The following TMEFF2 variants were observed in gnomAD, a reference collection of about 807,000 sequenced individuals.
TMEFF2 encodes the protein tomoregulin-2.
Under a neutral mutation model 53.8 loss-of-function variants are expected in TMEFF2, and 28 were observed. The ratio of observed to expected loss-of-function variants is 0.52; its 90% CI spans 0.39 to 0.71. The LOEUF (loss-of-function observed/expected upper bound fraction) is 0.71. TMEFF2 is among the 30% of genes least tolerant of loss of function. The pLI, the probability that TMEFF2 is intolerant of heterozygous loss-of-function variation, is 0.00. For missense variants in TMEFF2, 353 were observed against 455.2 expected (o/e 0.78, Z 2.04); for synonymous variants, 162 against 166.3 (o/e 0.97, Z 0.20).
intron 4 of TMEFF2, among the ~76,000 whole-genome samples, chr2:192,062,893 A>G (rs1176038373): frequency 6.6e-6 from 1 of 151,658 alleles, no homozygotes; most frequent in Non-Finnish European, 1.5e-5. Flanking sequence ...CTATTTTATG[A>G]GAGTTTGTGT....
At chr2:192,014,687 C>G (rs60208291) in intron 5 of TMEFF2, among the ~76,000 whole-genome samples, 1 of 152,118 alleles carries the variant, frequency 6.6e-6, no homozygotes, top group Non-Finnish European at 1.5e-5. Context: ...ATCTGACTTC[C>G]GATTATACTT....
intron 4 of TMEFF2, among the ~76,000 whole-genome samples, chr2:192,113,736 T>C (rs1176678545): frequency 6.6e-6 from 1 of 152,204 alleles, no homozygotes; most frequent in Non-Finnish European, 1.5e-5. Context: ...GTGAGTTTAA[T>C]ACTGGCAGTT....
intron 7 of TMEFF2, among the ~76,000 whole-genome samples, chr2:191,966,939 T>C (rs1249821905): frequency 2.0e-5 from 3 of 151,922 alleles, no homozygotes; most frequent in African/African-American, 7.3e-5. Context: ...TACTCTTCAA[T>C]AGGCTTTCTT....
chr2:192,140,814 G>A (rs1183873562), intron 4 of TMEFF2, among the ~76,000 whole-genome samples: 1 of 152,180 alleles, frequency 6.6e-6, no homozygotes, highest in African/African-American at 2.4e-5. Flanking sequence ...ATGTCATGAA[G>A]TCATGAGCTT....
chr2:192,120,052 T>C (rs1458693217), intron 4 of TMEFF2, among the ~76,000 whole-genome samples: 1 of 152,182 alleles, frequency 6.6e-6, no homozygotes, highest in East Asian at 1.9e-4. Context: ...TCAATTAAGA[T>C]GGTCCCTAAG....
chr2:192,099,826 A>T (rs573013191), intron 4 of TMEFF2, among the ~76,000 whole-genome samples: 2 of 151,556 alleles, frequency 1.3e-5, no homozygotes, highest in African/African-American at 4.9e-5. Context: ...ATTTTGGTTC[A>T]GTAGTGCTTC....
chr2:192,108,438 C>T (rs1307860792), intron 4 of TMEFF2, among the ~76,000 whole-genome samples: 1 of 151,802 alleles, frequency 6.6e-6, no homozygotes, highest in East Asian at 1.9e-4. Context: ...CACTAAAAGT[C>T]TTTTTCCAGG....
intron 5 of TMEFF2, among the ~76,000 whole-genome samples, chr2:192,051,306 T>C (rs1341162811): frequency 6.6e-6 from 1 of 151,718 alleles, no homozygotes; most frequent in Non-Finnish European, 1.5e-5. Context: ...GTTACACTTC[T>C]GGGGCCAGAA....
At chr2:192,061,420 C>T (rs1027212847) in intron 4 of TMEFF2, among the ~76,000 whole-genome samples, 6 of 152,042 alleles carry the variant, frequency 3.9e-5, no homozygotes, top group African/African-American at 1.4e-4. Context: ...GAGTATAACA[C>T]ATTTTTACAC....
At chr2:192,033,528 T>C (rs1351735944) in intron 5 of TMEFF2, among the ~76,000 whole-genome samples, 2 of 151,056 alleles carry the variant, frequency 1.3e-5, no homozygotes, top group African/African-American at 4.9e-5. Context: ...GGATTTTTTT[T>C]TTTTTTTTTT....
chr2:192,122,204 A>G (rs34410335), intron 4 of TMEFF2, among the ~76,000 whole-genome samples: 22,354 of 152,124 alleles, frequency 0.15, 2,380 homozygotes, highest in African/African-American at 0.28. Context: ...AATGGAAAAA[A>G]TATGGCCATA....
At chr2:192,092,765 G>A (rs528887011) in intron 4 of TMEFF2, among the ~76,000 whole-genome samples, 1 of 152,190 alleles carries the variant, frequency 6.6e-6, no homozygotes, top group East Asian at 1.9e-4. Context: ...GTGAAGAAAG[G>A]AGCAGAGAGG....
intron 7 of TMEFF2, among the ~76,000 whole-genome samples, chr2:191,994,304 G>A (rs1010101054): frequency 6.6e-6 from 1 of 151,586 alleles, no homozygotes; most frequent in Non-Finnish European, 1.5e-5. Flanking sequence ...TCTGAAAACT[G>A]GTGTAGGATG....
chr2:191,975,566 A>T (rs544197000), intron 7 of TMEFF2, among the ~76,000 whole-genome samples: 1 of 151,962 alleles, frequency 6.6e-6, no homozygotes, highest in South Asian at 2.1e-4. Context: ...CAATACCAGG[A>T]ATGGGCTAAT....
intron 5 of TMEFF2, among the ~76,000 whole-genome samples, chr2:192,000,220 G>T (rs1292170593): frequency 1.3e-5 from 2 of 151,836 alleles, no homozygotes; most frequent in Non-Finnish European, 2.9e-5. Context: ...TGTTGTTTTT[G>T]TAAATAGATT....
At chr2:192,138,264 G>T (rs546885521) in intron 4 of TMEFF2, among the ~76,000 whole-genome samples, 1 of 152,318 alleles carries the variant, frequency 6.6e-6, no homozygotes, top group African/African-American at 2.4e-5. Context: ...CAAGAATACT[G>T]CATGTATGGT....
chr2:192,112,945 C>T (rs902172920), intron 4 of TMEFF2, among the ~76,000 whole-genome samples: 6 of 152,086 alleles, frequency 3.9e-5, no homozygotes, highest in East Asian at 3.9e-4. Flanking sequence ...TCCTCAGCCA[C>T]GTGGAACTGT....
intron 4 of TMEFF2, among the ~76,000 whole-genome samples, chr2:192,149,049 C>A (rs1052472324): frequency 5.9e-5 from 9 of 151,862 alleles, no homozygotes; most frequent in African/African-American, 2.2e-4. Flanking sequence ...CTTATTTTTT[C>A]CCCATTTCCC....
rs1690087028 is a variant in TMEFF2, at chr2:192,139,430, A to T, written c.439+40238T>A. On this transcript the variant is annotated intron_variant, in intron 4 of 9. Coordinates refer to ENST00000272771, the MANE Select transcript of TMEFF2 (RefSeq NM_016192.4). ...ATTGAAGCACAAAATAAGAGCAAAG[A>T]TTATGAGAGCATTTTGTCTGTTTAA... Among the ~76,000 whole-genome samples the T allele has an allele frequency of 2.6e-5, 4 of 152,230 alleles. No homozygotes were observed. The South Asian group carries it at 8.3e-4, about 31-fold the overall frequency.
Sources: allele counts gnomAD v4.1 joint callset (sites outside exome capture counted in the v4.1 genomes callset), GRCh38; gene constraint gnomAD v4.1.1; transcripts MANE v1.5; gene names NCBI Gene and HGNC (gene_info 2026-07-23, HGNC 2026-07-21).